The following NUP214 variants were observed in gnomAD, a reference collection of about 807,000 sequenced individuals.
The protein encoded by NUP214 is nucleoporin 214.
Under a neutral mutation model 196.2 loss-of-function variants are expected in NUP214, and 79 were observed. That is an observed-to-expected ratio of 0.40 (90% CI 0.34 to 0.49). The LOEUF (loss-of-function observed/expected upper bound fraction) is 0.49. Ranked by LOEUF, NUP214 falls within the 20% of genes least tolerant of loss-of-function variation. The pLI is 0.58. For missense variants in NUP214, 2,468 were observed against 2,539.0 expected, an observed-to-expected ratio of 0.97 and a Z score of 0.60; for synonymous variants, 1,020 against 990.5, an observed-to-expected ratio of 1.03 and a Z score of -0.56.
chr9:131,188,908 TCC>T, intron 25 of NUP214, 143 bp from the exon 26 acceptor site: 1 of 629,764 alleles, frequency 1.6e-6, no homozygotes, highest in Non-Finnish European at 2.8e-6. Flanking sequence ...TTTTTTTGTT[TCC>T]TTTTTCTTTT....
At chr9:131,143,517 C>A (rs1831989645) in intron 11 of NUP214, among the ~76,000 whole-genome samples, 3 of 152,020 alleles carry the variant, frequency 2.0e-5, no homozygotes, top group Admixed American at 1.3e-4. Context: ...TTTACCCATC[C>A]AAACATAAGG....
intron 11 of NUP214, among the ~76,000 whole-genome samples, chr9:131,142,497 A>C (rs1205951851): frequency 6.6e-6 from 1 of 152,256 alleles, no homozygotes; most frequent in African/African-American, 2.4e-5. Flanking sequence ...CTGTTTCTAC[A>C]CTGCAGTTCT....
intron 21 of NUP214, chr9:131,167,547 A>G (rs965247301): frequency 1.3e-5 from 2 of 151,962 alleles, no homozygotes; most frequent in African/African-American, 4.8e-5. Context: ...GCTTTCATAG[A>G]CTCTGCCAGG....
At chr9:131,155,201 G>A (rs566819757) in intron 17 of NUP214, among the ~76,000 whole-genome samples, 14 of 152,238 alleles carry the variant, frequency 9.2e-5, no homozygotes, top group South Asian at 4.1e-4. Context: ...GAAGTAAGAC[G>A]GTATTGCATT....
intron 24 of NUP214, among the ~76,000 whole-genome samples, chr9:131,180,418 T>C (rs1833240930): frequency 6.6e-6 from 1 of 152,250 alleles, no homozygotes; most frequent in Non-Finnish European, 1.5e-5. Context: ...TCAGATTCTT[T>C]TATGTTTTAT....
chr9:131,226,864 C>T (rs1432456975), intron 32 of NUP214, among the ~76,000 whole-genome samples: 2 of 152,154 alleles, frequency 1.3e-5, no homozygotes, highest in Non-Finnish European at 2.9e-5. Context: ...TTTGATCTTT[C>T]CTGATTCAGA....
At chr9:131,202,347 G>A (rs765894904) in intron 30 of NUP214, among the ~76,000 whole-genome samples, 4 of 152,116 alleles carry the variant, frequency 2.6e-5, no homozygotes, top group Non-Finnish European at 4.4e-5. Flanking sequence ...TAAGAATGGT[G>A]TTTGTGTGTG....
chr9:131,204,277 A>T (rs1205743062), intron 30 of NUP214, among the ~76,000 whole-genome samples: 1 of 152,224 alleles, frequency 6.6e-6, no homozygotes, highest in Non-Finnish European at 1.5e-5. Context: ...AATCTTAAGA[A>T]GTGTCATAGC....
intron 33 of NUP214, chr9:131,229,798 G>A: frequency 1.9e-6 from 1 of 517,040 alleles, no homozygotes; most frequent in South Asian, 1.4e-5. Flanking sequence ...ACCTTTGTAT[G>A]GAAAGAGCCT....
At chr9:131,140,828 CT>C in intron 11 of NUP214, 118 bp downstream of exon 11, 2 of 980,796 alleles carry the variant, frequency 2.0e-6, no homozygotes, top group Non-Finnish European at 3.0e-6. Context: ...CCTGGTCTGT[CT>C]TAGGAAGGCA....
At chr9:131,154,976 A>G (rs1159885453) in intron 17 of NUP214, among the ~76,000 whole-genome samples, 1 of 152,186 alleles carries the variant, frequency 6.6e-6, no homozygotes, top group African/African-American at 2.4e-5. Flanking sequence ...TGTCTTTTTC[A>G]TGTAATGACT....
intron 30 of NUP214, among the ~76,000 whole-genome samples, chr9:131,203,691 C>T (rs1203596308): frequency 6.6e-6 from 1 of 152,034 alleles, no homozygotes; most frequent in Non-Finnish European, 1.5e-5. Context: ...ACCAAGTTCC[C>T]TACTGAAAAC....
intron 24 of NUP214, among the ~76,000 whole-genome samples, chr9:131,181,728 C>G (rs569831605): frequency 6.6e-6 from 1 of 152,268 alleles, no homozygotes; most frequent in East Asian, 1.9e-4. Flanking sequence ...GTATTCAAGT[C>G]TCTCATCAAG....
chr9:131,183,096 T>C (rs1833333919), intron 24 of NUP214, among the ~76,000 whole-genome samples: 1 of 152,192 alleles, frequency 6.6e-6, no homozygotes, highest in Admixed American at 6.5e-5. Flanking sequence ...TCCTCCCCAC[T>C]ACCCCCCAGA....
Position 131,197,408 on chromosome 9 carries a change from C to G in NUP214, c.3914C>G (p.Thr1305Ser), listed in dbSNP as rs199532141. 23 of 1,614,180 alleles carry G rather than the reference C, an allele frequency of 1.4e-5. No individual in the cohort carries two copies. The highest frequency in any genetic ancestry group is 1.9e-5 in the Non-Finnish European group (23 of 1,180,030). ...PVAPSGTALS[T>S]TSSKLETPPS... ...GCACCTTCTGGAACTGCTCTTTCCACCACCTCTAGTAAGCTGGAAACCCCA... is the reference window on the plus strand; with the variant it reads ...GCACCTTCTGGAACTGCTCTTTCCAGCACCTCTAGTAAGCTGGAAACCCCA... Residue 1305 changes from threonine to serine, a missense_variant, in exon 29 of 36, where the codon ACC (threonine) becomes AGC (serine). Thr to Ser is a moderately conservative substitution (Grantham distance 58). Transcript: ENST00000359428.
In NUP214 at chr9:131,163,103, C is replaced by T. The variant is rs1410078132; in HGVS notation, c.2653C>T (p.Leu885Phe). The T allele has an allele frequency of 1.2e-6, 2 of 1,614,224 alleles. No homozygotes were observed. Among genetic ancestry groups the T allele is most frequent in the Admixed American group, 3.3e-5 (2 of 60,026 alleles). ...LNHLVDSLQQ[L>F]RLYKQTSLWS... The stretch of plus-strand genomic sequence containing the variant: ...TCACCTGGTGGATAGTCTTCAGCAG[C>T]TCCGCCTTTACAAACAGACTTCCCT... The change falls in exon 19 of 36, where the codon CTC (leucine) becomes TTC (phenylalanine). Residue 885 changes from leucine to phenylalanine, a missense_variant. Around this residue, in one of 5 missense-constraint regions of NUP214, gnomAD observed 1,801 missense variants for 1,779.4 expected, o/e 1.01. Coordinates refer to ENST00000359428, the MANE Select transcript of NUP214 (RefSeq NM_005085.4).
chr9:131,175,709 G>A, intron 23 of NUP214, 88 bp downstream of exon 23: 3 of 1,483,330 alleles, frequency 2.0e-6, no homozygotes, highest in Non-Finnish European at 2.7e-6. Context: ...AGAAACAGTG[G>A]GCGCTCTTTG....
At chr9:131,132,805 C>A in intron 6 of NUP214, 146 bp downstream of exon 6, 1 of 726,516 alleles carries the variant, frequency 1.4e-6, no homozygotes, top group Non-Finnish European at 2.3e-6. Context: ...CTAATTAAGT[C>A]AGTGTAAATT....
chr9:131,138,699 T>A (rs914242248), intron 9 of NUP214, among the ~76,000 whole-genome samples: 2 of 152,174 alleles, frequency 1.3e-5, no homozygotes, highest in African/African-American at 4.8e-5. Context: ...GACTTAGTAG[T>A]TTCTCAAGGA....
Sources: allele counts gnomAD v4.1 joint callset (sites outside exome capture counted in the v4.1 genomes callset), GRCh38; gene constraint gnomAD v4.1.1; regional missense constraint gnomAD v4.1.1; transcripts MANE v1.5; gene names NCBI Gene and HGNC (gene_info 2026-07-23, HGNC 2026-07-21).